The following PXT1 variants were observed in gnomAD, a reference collection of about 807,000 sequenced individuals.
PXT1 encodes peroxisomal testis-specific protein 1.
Under a neutral mutation model 11.0 loss-of-function variants are expected in PXT1, and 11 were observed. The ratio of observed to expected loss-of-function variants is 1.00; its 90% CI spans 0.63 to 1.66. The LOEUF is 1.66. PXT1 is among the 40% of genes most tolerant of loss of function. PXT1 has a pLI of 0.00. For synonymous variants in PXT1, 43 were observed against 51.4 expected (o/e 0.84, Z 0.70); for missense variants, 141 against 155.5 (o/e 0.91, Z 0.49).
In PXT1 at chr6:36,391,245, C is replaced by G. The variant is rs536403043; in HGVS notation, c.*525G>C. The G allele has an allele frequency of 6.5e-6, 1 of 153,486 alleles. No individual in the cohort carries two copies. The highest frequency in any genetic ancestry group is 1.4e-5 in the Non-Finnish European group (1 of 69,168). The allele number at this position is 153,486 out of a possible 1,614,324, so 9.5% of individuals were successfully genotyped here. A position where few individuals can be genotyped will look rare whatever the true frequency, so the allele number is the denominator to read the frequency against. ...AGACAAATGTTTCACTTCGATTTTC[C>G]AGAGAGGGTTGGAGCCAGGATTGGG... is the stretch of plus-strand genomic sequence containing the variant. On this transcript the variant is annotated 3_prime_UTR_variant, in exon 5 of 5. Coordinates refer to ENST00000454782, the MANE Select transcript of PXT1 (RefSeq NM_152990.4).
chr6:36,402,323 T>C (rs997182322), intron 3 of PXT1, among the ~76,000 whole-genome samples: 3 of 152,198 alleles, frequency 2.0e-5, no homozygotes, highest in Non-Finnish European at 4.4e-5. Flanking sequence ...GCTTTAGGAC[T>C]ACAGAAGAGA....
At chr6:36,427,443 G>C (rs369205398) in intron 2 of PXT1, among the ~76,000 whole-genome samples, 2 of 152,086 alleles carry the variant, frequency 1.3e-5, no homozygotes, top group Non-Finnish European at 2.9e-5. Flanking sequence ...GGAAAGAATG[G>C]CTAAGACCAC....
At chr6:36,422,302 G>A (rs1774533673) in intron 3 of PXT1, among the ~76,000 whole-genome samples, 1 of 152,162 alleles carries the variant, frequency 6.6e-6, no homozygotes, top group Non-Finnish European at 1.5e-5. Flanking sequence ...GTAATTGGAA[G>A]GGGAGAGGCT....
chr6:36,404,481 C>A (rs946704257), intron 3 of PXT1, among the ~76,000 whole-genome samples: 11 of 152,068 alleles, frequency 7.2e-5, no homozygotes, highest in African/African-American at 2.7e-4. Context: ...GCCACCATGC[C>A]CAGCTAAATT....
At chr6:36,426,286 C>T (rs1017204427) in intron 2 of PXT1, among the ~76,000 whole-genome samples, 195 bp from the exon 3 acceptor site, 3 of 151,108 alleles carry the variant, frequency 2.0e-5, no homozygotes, top group East Asian at 1.9e-4. Flanking sequence ...TCTAGGCTGC[C>T]GCATCCTTAT....
intron 2 of PXT1, among the ~76,000 whole-genome samples, chr6:36,432,888 A>C (rs1347028386): frequency 6.6e-6 from 1 of 152,174 alleles, no homozygotes; most frequent in South Asian, 2.1e-4. Flanking sequence ...CTTCTCCTGC[A>C]TAGATGTAGA....
At chr6:36,434,020 G>A (rs1224524136) in intron 2 of PXT1, among the ~76,000 whole-genome samples, 1 of 151,780 alleles carries the variant, frequency 6.6e-6, no homozygotes, top group Non-Finnish European at 1.5e-5. Context: ...ACTAGTGTTG[G>A]CTGTATTTGT....
chr6:36,404,193 C>T (rs371289951), intron 3 of PXT1, among the ~76,000 whole-genome samples: 2 of 152,266 alleles, frequency 1.3e-5, no homozygotes, highest in South Asian at 2.1e-4. Flanking sequence ...TGAAAATTTA[C>T]TTTTAAAATG....
In PXT1 at chr6:36,432,392, T is replaced by C. The variant is rs151129249; in HGVS notation, c.-9-6301A>G. 8.7e-3 allele frequency among the ~76,000 whole-genome samples: 1,316 copies of C among 151,986 alleles called. 22 individuals are homozygous for C. Among genetic ancestry groups the C allele is most frequent in the African/African-American group, 0.03 (1,256 of 41,426 alleles). ...CCCATGCCACTCTCAAAAATAACAA[T>C]TGGGGGGAAATACACAGAAACACTC... On this transcript the variant is annotated intron_variant, in intron 2 of 4. Transcript: ENST00000454782.
chr6:36,435,001 A>T (rs1774741881), intron 2 of PXT1, among the ~76,000 whole-genome samples: 1 of 152,236 alleles, frequency 6.6e-6, no homozygotes, highest in Non-Finnish European at 1.5e-5. Context: ...GGTAATGAAA[A>T]ACTCAATTGT....
intron 3 of PXT1, among the ~76,000 whole-genome samples, chr6:36,402,655 T>G (rs935750310): frequency 6.6e-6 from 1 of 152,158 alleles, no homozygotes; most frequent in Non-Finnish European, 1.5e-5. Flanking sequence ...AAACAGGACA[T>G]TCCAGGCAGA....
rs1049060562 is a variant in PXT1, at chr6:36,432,027, C to T, written c.-9-5936G>A. Among the ~76,000 whole-genome samples, 4 of 152,100 alleles carry T rather than the reference C, an allele frequency of 2.6e-5. No homozygotes were observed. The South Asian group carries it at 6.2e-4, about 24-fold the overall frequency. ...CAGAGGTTGCAGTGAGCCGAGATTGCGCCACTGCAATCCAGCCTGGGCCAC... is the reference window on the plus strand; with the variant it reads ...CAGAGGTTGCAGTGAGCCGAGATTGTGCCACTGCAATCCAGCCTGGGCCAC... On this transcript the variant is annotated intron_variant, in intron 2 of 4. Transcript: ENST00000454782.
intron 3 of PXT1, among the ~76,000 whole-genome samples, chr6:36,423,518 C>T (rs562819508): frequency 2.6e-5 from 4 of 152,374 alleles, no homozygotes; most frequent in African/African-American, 9.6e-5. Flanking sequence ...TAGCTCGCCT[C>T]GGGCTCCTGG....
At chr6:36,418,069 G>A (rs564688525) in intron 3 of PXT1, among the ~76,000 whole-genome samples, 55 of 152,126 alleles carry the variant, frequency 3.6e-4, no homozygotes, top group Non-Finnish European at 6.6e-4. Flanking sequence ...GGTGGCGGGC[G>A]CCTGTGGTCC....
chr6:36,403,522 G>A (rs1055142246), intron 3 of PXT1, among the ~76,000 whole-genome samples: 12 of 152,188 alleles, frequency 7.9e-5, no homozygotes, highest in African/African-American at 2.9e-4. Context: ...GAGGGCAGGT[G>A]TGGAAGGCAG....
intron 3 of PXT1, among the ~76,000 whole-genome samples, chr6:36,410,438 GAAA>G (rs1244503758): frequency 1.7e-5 from 2 of 118,814 alleles, no homozygotes; most frequent in Non-Finnish European, 3.5e-5. Context: ...CAACAAGAGT[GAAA>G]AAAAAAAAGA....
intron 3 of PXT1, among the ~76,000 whole-genome samples, chr6:36,411,710 G>T (rs1340564317): frequency 6.6e-6 from 1 of 152,118 alleles, no homozygotes; most frequent in Admixed American, 6.6e-5. Context: ...GGGAGGCCAA[G>T]GCAGGAGGAT....
Position 36,391,767 on chromosome 6 carries a change from C to G in PXT1, c.*3G>C. The G allele has an allele frequency of 9.4e-6, 15 of 1,601,876 alleles. 1 individual carries two copies. Among genetic ancestry groups the G allele is most frequent in the East Asian group, 2.2e-5 (1 of 44,848 alleles). ...ACTTGACCACTTGACCTTTACTTTC[C>G]TTTTACAGCAAATGGTTGTTCCAGA... On this transcript the variant is annotated 3_prime_UTR_variant, in exon 5 of 5. Transcript: ENST00000454782.
At chr6:36,426,831 CATGT>C (rs751640784) in intron 2 of PXT1, among the ~76,000 whole-genome samples, 1 of 151,254 alleles carries the variant, frequency 6.6e-6, no homozygotes, top group Non-Finnish European at 1.5e-5. Context: ...CCTATTTCCT[CATGT>C]GTGTGTGTGT....
Sources: allele counts gnomAD v4.1 joint callset (sites outside exome capture counted in the v4.1 genomes callset), GRCh38; gene constraint gnomAD v4.1.1; transcripts MANE v1.5; gene names NCBI Gene and HGNC (gene_info 2026-07-23, HGNC 2026-07-21).